The following WWOX variants were observed in gnomAD, a reference collection of about 807,000 sequenced individuals.
WWOX encodes WW domain-containing oxidoreductase.
WWOX carries 69 observed loss-of-function variants against 46.2 expected under a neutral mutation model. That is an observed-to-expected ratio of 1.49 (90% CI 1.23 to 1.82). The LOEUF is 1.82. WWOX is among the 40% of genes most tolerant of loss of function. The probability of loss-of-function intolerance (pLI) is 0.00; values close to 1 mark genes in which losing one functional copy is unlikely to be tolerated. For synonymous variants in WWOX, 359 were observed against 202.6 expected (o/e 1.77, Z -6.56); for missense variants, 919 against 542.6 (o/e 1.69, Z -6.89).
At chr16:78,973,434 C>G (rs2046511041) in intron 8 of WWOX, among the ~76,000 whole-genome samples, 1 of 152,202 alleles carries the variant, frequency 6.6e-6, no homozygotes, top group Non-Finnish European at 1.5e-5. Flanking sequence ...CAATAATTAG[C>G]CAACCAAGTA....
chr16:78,887,423 T>G (rs756453291), intron 8 of WWOX, among the ~76,000 whole-genome samples: 25 of 149,850 alleles, frequency 1.7e-4, no homozygotes, highest in Non-Finnish European at 3.1e-4. Context: ...TTACACAAAT[T>G]ATGAAAGTAA....
intron 8 of WWOX, among the ~76,000 whole-genome samples, chr16:79,133,677 G>C (rs1049644973): frequency 7.2e-5 from 11 of 152,140 alleles, no homozygotes; most frequent in African/African-American, 2.7e-4. Context: ...GCCTGCACTG[G>C]GGAGTTGTAT....
At chr16:79,039,574 C>G (rs2047932696) in intron 8 of WWOX, among the ~76,000 whole-genome samples, 2 of 152,224 alleles carry the variant, frequency 1.3e-5, no homozygotes, top group South Asian at 2.1e-4. Context: ...TCCATTGTCA[C>G]TGTTGCCAGA....
At chr16:78,529,557 C>G (rs1029122300) in intron 8 of WWOX, among the ~76,000 whole-genome samples, 1 of 152,146 alleles carries the variant, frequency 6.6e-6, no homozygotes, top group Non-Finnish European at 1.5e-5. Flanking sequence ...ACCTCCGCCT[C>G]TCGAGTTCAA....
chr16:78,815,678 C>A lies in WWOX; in HGVS notation c.1056+382926C>A, dbSNP rs1373548433. On this transcript the variant is annotated intron_variant, in intron 8 of 8. Transcript: ENST00000566780. ...CTTTTGCTTCCCCTGGGTTTTAATCCTTCCTTCCCTTCCTGTTCTTTTAAG... is the reference window on the plus strand; with the variant it reads ...CTTTTGCTTCCCCTGGGTTTTAATCATTCCTTCCCTTCCTGTTCTTTTAAG... Among the ~76,000 whole-genome samples, 4 of 152,166 alleles carry A rather than the reference C, an allele frequency of 2.6e-5. No individual in the cohort carries two copies. The East Asian group carries it at 7.7e-4, about 29-fold the overall frequency.
chr16:78,940,310 G>C (rs1310563326), intron 8 of WWOX, among the ~76,000 whole-genome samples: 2 of 152,138 alleles, frequency 1.3e-5, no homozygotes, highest in Admixed American at 6.5e-5. Context: ...TTTGATTTAT[G>C]AGTCGTCATT....
intron 8 of WWOX, among the ~76,000 whole-genome samples, chr16:79,182,154 C>G (rs886595232): frequency 1.4e-5 from 2 of 147,892 alleles, no homozygotes; most frequent in African/African-American, 5.1e-5. Context: ...AAGGGAGGGA[C>G]TCTTGTTCTT....
At chr16:79,048,735 C>T (rs900017911) in intron 8 of WWOX, among the ~76,000 whole-genome samples, 2 of 152,172 alleles carry the variant, frequency 1.3e-5, no homozygotes, top group Non-Finnish European at 2.9e-5. Flanking sequence ...GCAGCAGATG[C>T]AGACCCAGCA....
At chr16:78,144,583 G>A (rs1597262724) in intron 4 of WWOX, among the ~76,000 whole-genome samples, 2 of 140,362 alleles carry the variant, frequency 1.4e-5, no homozygotes, top group African/African-American at 2.6e-5. Flanking sequence ...GTACAGTGGC[G>A]CGATCTGAGC....
intron 8 of WWOX, among the ~76,000 whole-genome samples, chr16:78,773,244 T>A (rs925676089): frequency 2.6e-5 from 4 of 152,160 alleles, no homozygotes; most frequent in African/African-American, 7.2e-5. Flanking sequence ...AGCCCGAGTT[T>A]GTGTTCTCCG....
chr16:78,515,188 C>T (rs1044529036), intron 8 of WWOX, among the ~76,000 whole-genome samples: 3 of 152,190 alleles, frequency 2.0e-5, no homozygotes, highest in Non-Finnish European at 4.4e-5. Flanking sequence ...CGTGTCACTG[C>T]ACTCCAGCCT....
At chr16:78,876,462 T>C (rs1444205258) in intron 8 of WWOX, among the ~76,000 whole-genome samples, 3 of 143,572 alleles carry the variant, frequency 2.1e-5, no homozygotes, top group Non-Finnish European at 4.5e-5. Flanking sequence ...TGTGAATGCT[T>C]GACTCTTCTT....
intron 8 of WWOX, among the ~76,000 whole-genome samples, chr16:78,647,806 T>G (rs1005635466): frequency 2.0e-5 from 3 of 152,218 alleles, no homozygotes; most frequent in Admixed American, 6.5e-5. Context: ...ACAAACGTGT[T>G]AGCTAAGTCT....
intron 8 of WWOX, among the ~76,000 whole-genome samples, chr16:78,721,572 C>T (rs1274839817): frequency 1.3e-5 from 2 of 152,130 alleles, no homozygotes; most frequent in African/African-American, 2.4e-5. Flanking sequence ...AAGCCTAGGG[C>T]AGCCTGAACC....
At chr16:79,150,020 A>G (rs1234812131) in intron 8 of WWOX, among the ~76,000 whole-genome samples, 1 of 152,232 alleles carries the variant, frequency 6.6e-6, no homozygotes, top group African/African-American at 2.4e-5. Context: ...GAACCTAAGA[A>G]GGAAATGCTT....
chr16:78,848,019 C>G (rs2052345693), intron 8 of WWOX, among the ~76,000 whole-genome samples: 2 of 152,148 alleles, frequency 1.3e-5, no homozygotes, highest in Admixed American at 1.3e-4. Context: ...CCTGTCGGTG[C>G]CTGGCATATG....
chr16:78,311,306 C>G (rs1448567975), intron 5 of WWOX, among the ~76,000 whole-genome samples: 1 of 152,136 alleles, frequency 6.6e-6, no homozygotes, highest in Non-Finnish European at 1.5e-5. Context: ...AAACAAATTC[C>G]TTTCTTGATC....
intron 8 of WWOX, among the ~76,000 whole-genome samples, chr16:78,936,941 A>G (rs2045750321): frequency 6.6e-6 from 1 of 152,202 alleles, no homozygotes; most frequent in South Asian, 2.1e-4. Flanking sequence ...TAAATCTTGT[A>G]AAGATGCTTT....
intron 8 of WWOX, among the ~76,000 whole-genome samples, chr16:79,104,845 C>T (rs1342356320): frequency 6.6e-6 from 1 of 152,126 alleles, no homozygotes; most frequent in South Asian, 2.1e-4. Context: ...TTGCAATCCC[C>T]ACTTGACCAA....
Sources: gnomAD v4.1 joint callset for allele counts (sites outside exome capture counted in the v4.1 genomes callset) on GRCh38, gnomAD v4.1.1 for gene constraint, MANE v1.5 for transcripts, NCBI Gene and HGNC (gene_info 2026-07-23, HGNC 2026-07-21) for gene names.